FAT3: variants seen among roughly 807,000 people sequenced by gnomAD.
FAT3 encodes FAT atypical cadherin 3.
In FAT3, 95 loss-of-function variants were observed where a neutral mutation model predicts 310.2. The observed-to-expected ratio is 0.31, with a 90% confidence interval of 0.26 to 0.36. The LOEUF is 0.36. Ranked by LOEUF, FAT3 falls within the 10% of genes least tolerant of loss-of-function variation. FAT3 has a pLI of 1.00. For missense variants in FAT3, 5,408 were observed against 5,715.6 expected, an observed-to-expected ratio of 0.95 and a Z score of 1.74; for synonymous variants, 2,314 against 2,192.9, an observed-to-expected ratio of 1.06 and a Z score of -1.54.
At chr11:92,834,756 C>A in intron 14 of FAT3, 114 bp from the exon 15 acceptor site, 1 of 959,036 alleles carries the variant, frequency 1.0e-6, no homozygotes. Flanking sequence ...AAACAAATTC[C>A]TGAATGTTTA....
At chr11:92,567,016 C>T (rs1475543692) in intron 3 of FAT3, among the ~76,000 whole-genome samples, 1 of 152,060 alleles carries the variant, frequency 6.6e-6, no homozygotes, top group Non-Finnish European at 1.5e-5. Flanking sequence ...GCAATGGCAA[C>T]AAAAGCCAAA....
intron 2 of FAT3, among the ~76,000 whole-genome samples, chr11:92,422,546 G>C (rs1950553006): frequency 6.6e-6 from 1 of 152,192 alleles, no homozygotes; most frequent in South Asian, 2.1e-4. Context: ...GAGGAGAACT[G>C]TGGCAGGGCA....
At chr11:92,790,279 T>G (rs1947006801) in intron 8 of FAT3, 61 bp downstream of exon 8, 1 of 1,551,430 alleles carries the variant, frequency 6.4e-7, no homozygotes. Flanking sequence ...GCCACACACA[T>G]TAGCCTTCAG....
At chr11:92,601,106 CAGA>C (rs1397256612) in intron 3 of FAT3, among the ~76,000 whole-genome samples, 1 of 151,224 alleles carries the variant, frequency 6.6e-6, no homozygotes, top group Non-Finnish European at 1.5e-5. Flanking sequence ...AACAAGAAGC[CAGA>C]AGAAGGTTTT....
intron 2 of FAT3, among the ~76,000 whole-genome samples, chr11:92,373,756 GTATGCACACACACACACACACA>G (rs2134728241): frequency 7.6e-6 from 1 of 131,710 alleles, no homozygotes; most frequent in South Asian, 2.7e-4. Flanking sequence ...GTGGAGATAT[GTATGCACACACACACACACACA>G]CACACACACA....
chr11:92,757,325 A>G (rs1176834716), intron 4 of FAT3, among the ~76,000 whole-genome samples: 1 of 152,208 alleles, frequency 6.6e-6, no homozygotes, highest in Non-Finnish European at 1.5e-5. Flanking sequence ...TTGATTGGCA[A>G]TAAGAGCAGA....
In FAT3 at chr11:92,354,830, C is replaced by T. The variant is rs765801976; in HGVS notation, c.2718C>T (p.Ala906=). The T allele has an allele frequency of 3.1e-6, 5 of 1,613,712 alleles. No homozygotes were observed. Among genetic ancestry groups the T allele is most frequent in the African/African-American group, 1.3e-5 (1 of 74,878 alleles). Residue 906 remains alanine (A), a synonymous_variant, in exon 2 of 28, where the codon GCC becomes GCT. Transcript: ENST00000525166. Reference sequence around the variant, plus strand: ...CCAATTATTCTTTGAAAATAGAAGCCAGGGACAAGGCAGAGAGTGGTCAGC... The same window carrying T: ...CCAATTATTCTTTGAAAATAGAAGCTAGGGACAAGGCAGAGAGTGGTCAGC... ...SKANYSLKIE[A]RDKAESGQQL...
In FAT3 at chr11:92,812,205, A is replaced by C. The variant is rs553060601; in HGVS notation, c.9481+2129A>C. Among the ~76,000 whole-genome samples, 24 of 152,328 alleles carry C rather than the reference A, an allele frequency of 1.6e-4. No individual in the cohort carries two copies. The South Asian group carries it at 5.0e-3, about 32-fold the overall frequency. The stretch of plus-strand genomic sequence containing the variant: ...GATTACAAACCAGTGTGAGCTGTGC[A>C]CTAAGATTACCAGGTTGTTGAAGGT... On this transcript the variant is annotated intron_variant, in intron 13 of 27. Coordinates refer to ENST00000525166, the MANE Select transcript of FAT3 (RefSeq NM_001367949.2).
At chr11:92,602,292 A>G (rs1410629061) in intron 3 of FAT3, among the ~76,000 whole-genome samples, 1 of 152,096 alleles carries the variant, frequency 6.6e-6, no homozygotes, top group African/African-American at 2.4e-5. Context: ...GGTTTACTTC[A>G]GAGTTTCACC....
At chr11:92,313,419 TTTA>T (rs1236500292) in intron 1 of FAT3, among the ~76,000 whole-genome samples, 8 of 152,256 alleles carry the variant, frequency 5.3e-5, no homozygotes, top group African/African-American at 1.9e-4. Flanking sequence ...ATATGCCATG[TTTA>T]TTGTTGTATT....
chr11:92,875,625 T>G (rs1949513672), intron 22 of FAT3, among the ~76,000 whole-genome samples: 1 of 152,152 alleles, frequency 6.6e-6, no homozygotes, highest in African/African-American at 2.4e-5. Context: ...GCAGTGTAAG[T>G]ACTTCCACCA....
Position 92,801,760 on chromosome 11 carries a change from A to G in FAT3, c.8747A>G (p.Asp2916Gly). ...STALVSVRVTDINDNAPVFAQ... is the reference protein window; with the variant it reads ...STALVSVRVTGINDNAPVFAQ... ...GCCTTGGTCTCTGTCAGAGTGACAG[A>G]TATAAATGACAATGCACCAGTCTTC... Residue 2916 changes from aspartate to glycine, a missense_variant, in exon 10 of 28, where the codon GAT (aspartate) becomes GGT (glycine). Coordinates refer to ENST00000525166, the MANE Select transcript of FAT3 (RefSeq NM_001367949.2). The G allele has an allele frequency of 6.2e-7, 1 of 1,613,946 alleles. No homozygotes were observed. Among genetic ancestry groups the G allele is most frequent in the Non-Finnish European group, 8.5e-7 (1 of 1,179,862 alleles).
At chr11:92,269,052 A>G (rs1485826381) in intron 1 of FAT3, among the ~76,000 whole-genome samples, 1 of 152,174 alleles carries the variant, frequency 6.6e-6, no homozygotes, top group Non-Finnish European at 1.5e-5. Flanking sequence ...CTTCATCTCA[A>G]AGGAAAAATA....
At chr11:92,598,910 A>G (rs1939862834) in intron 3 of FAT3, among the ~76,000 whole-genome samples, 1 of 152,182 alleles carries the variant, frequency 6.6e-6, no homozygotes, top group African/African-American at 2.4e-5. Context: ...CACAGATCCT[A>G]GTGCAAAAAT....
chr11:92,798,481 T>G lies in FAT3; in HGVS notation c.5468T>G (p.Phe1823Cys). Reference sequence around the variant, plus strand: ...ATTGTGGAGTCAACAGCAAAAAAGTTTTTCACGGTGGACTCCAGTACAGGT... The same window carrying G: ...ATTGTGGAGTCAACAGCAAAAAAGTGTTTCACGGTGGACTCCAGTACAGGT... Reference protein sequence around the residue: ...YQIVESTAKKFFTVDSSTGAI... With the variant: ...YQIVESTAKKCFTVDSSTGAI... Residue 1823 changes from phenylalanine (F) to cysteine (C), a missense_variant, in exon 10 of 28, where the codon TTT becomes TGT. Phe to Cys is a radical substitution (Grantham distance 205, BLOSUM62 -2). Transcript: ENST00000525166. The G allele has an allele frequency of 6.2e-7, 1 of 1,613,604 alleles. No individual in the cohort carries two copies. Among genetic ancestry groups the G allele is most frequent in the South Asian group, 1.1e-5 (1 of 91,046 alleles).
At chr11:92,650,391 G>C (rs1942331933) in intron 3 of FAT3, among the ~76,000 whole-genome samples, 1 of 152,054 alleles carries the variant, frequency 6.6e-6, no homozygotes, top group African/African-American at 2.4e-5. Flanking sequence ...CTATCCTTCT[G>C]TTTGCACTCA....
intron 1 of FAT3, among the ~76,000 whole-genome samples, chr11:92,269,712 T>C (rs1432358681): frequency 6.6e-6 from 1 of 152,148 alleles, no homozygotes; most frequent in African/African-American, 2.4e-5. Context: ...TATTTTTATG[T>C]CATGAGTACT....
intron 1 of FAT3, among the ~76,000 whole-genome samples, chr11:92,341,417 C>T (rs1948259413): frequency 6.6e-6 from 1 of 152,012 alleles, no homozygotes. Flanking sequence ...CTAATCCAGG[C>T]AATGTGGGCT....
In FAT3 at chr11:92,381,857, A is replaced by G. The variant is rs1326530183; in HGVS notation, c.3292+26453A>G. On this transcript the variant is annotated intron_variant, in intron 2 of 27. Transcript: ENST00000525166. Reference sequence around the variant, plus strand: ...ATGTTGATTGAATATTTATGAGACGATGAGTGTACCAGGTGTTAAAAAGAA... The same window carrying G: ...ATGTTGATTGAATATTTATGAGACGGTGAGTGTACCAGGTGTTAAAAAGAA... Among the ~76,000 whole-genome samples, 5 of 152,196 alleles carry G rather than the reference A, an allele frequency of 3.3e-5. No homozygotes were observed. The East Asian group carries it at 9.6e-4, about 29-fold the overall frequency.
Sources: allele counts gnomAD v4.1 joint callset (sites outside exome capture counted in the v4.1 genomes callset), GRCh38; gene constraint gnomAD v4.1.1; transcripts MANE v1.5; gene names NCBI Gene and HGNC (gene_info 2026-07-23, HGNC 2026-07-21).